Variants in KIF14 observed in about 807,000 individuals in gnomAD.
KIF14 encodes the protein kinesin family member 14, also known as kinesin-like protein KIF14.
KIF14 carries 98 observed loss-of-function variants against 176.2 expected under a neutral mutation model. That is an observed-to-expected ratio of 0.56 (90% confidence interval 0.47 to 0.66). KIF14 has a LOEUF of 0.66. Ranked by LOEUF, KIF14 falls within the 30% of genes least tolerant of loss-of-function variation. KIF14 has a pLI of 0.00. For missense variants in KIF14, 1,751 were observed against 1,920.4 expected (o/e 0.91, Z 1.65); for synonymous variants, 566 against 632.2 (o/e 0.90, Z 1.57).
At chr1:200,578,059 C>A (rs567869560) in intron 21 of KIF14, among the ~76,000 whole-genome samples, 3 of 150,872 alleles carry the variant, frequency 2.0e-5, no homozygotes, top group African/African-American at 4.9e-5. Context: ...TCTAAAAAGT[C>A]TTTTATTTGT....
In KIF14 at chr1:200,618,573, C is replaced by T. The variant is rs141578394; in HGVS notation, c.151G>A (p.Asp51Asn). Residue 51 changes from aspartate to asparagine, a missense_variant, in exon 2 of 30, where the codon GAT becomes AAT. Coordinates refer to ENST00000367350, the MANE Select transcript of KIF14 (RefSeq NM_014875.3). ...KSDMSECEND[D>N]PLLRSAGKVR... ...TTACCTGCAGATCTCAATAATGGAT[C>T]ATCATTTTCACATTCTGACATATCC... 738 of 1,613,974 alleles carry T rather than the reference C, an allele frequency of 4.6e-4. 3 individuals carry two copies. Among genetic ancestry groups the T allele is most frequent in the Non-Finnish European group, 3.0e-4 (352 of 1,179,996 alleles).
At position 200,586,205 on chromosome 1, in the gene KIF14, C is replaced by T. The variant is rs570902338; in HGVS notation, c.3137G>A (p.Arg1046His). ...TAAAGCTTCCAGAATTCTTGCATGG[C>T]GGATGCTATGGTCTTCTAAAGCCTA... is the stretch of plus-strand genomic sequence containing the variant. ...TKQALEDHSIRHARILEALET... is the reference protein window; with the variant it reads ...TKQALEDHSIHHARILEALET... The change falls in exon 19 of 30, where the codon CGC becomes CAC. Residue 1046 changes from arginine to histidine, a missense_variant. Coordinates refer to ENST00000367350, the MANE Select transcript of KIF14 (RefSeq NM_014875.3). The T allele has an allele frequency of 2.1e-5, 34 of 1,596,466 alleles. No homozygotes were observed. In the Admixed American group the frequency reaches 3.6e-4, roughly 17 times the overall value.
chr1:200,579,615 AAT>A (rs910102302), intron 21 of KIF14, among the ~76,000 whole-genome samples: 1 of 151,634 alleles, frequency 6.6e-6, no homozygotes, highest in Non-Finnish European at 1.5e-5. Flanking sequence ...ATTTCAAAAA[AAT>A]ATATATATAT....
In KIF14 at chr1:200,615,414, G is replaced by T. The variant is rs190410379; in HGVS notation, c.1308C>A (p.Phe436Leu). 6.2e-7 allele frequency: 1 copy of T among 1,614,054 alleles called. No homozygotes were observed. The highest frequency in any genetic ancestry group is 8.5e-7 in the Non-Finnish European group (1 of 1,179,930). ...KLAAPLLERA[F>L]EGFNTCLFAY... is the part of the protein sequence containing the mutation. The stretch of plus-strand genomic sequence containing the variant: ...CAAAAAGACAGGTATTGAAGCCTTC[G>T]AAGGCTCTTTCTAGGAGTGGTGCTG... Residue 436 changes from phenylalanine to leucine, a missense_variant, in exon 3 of 30, where the codon TTC becomes TTA. Physicochemically the swap from Phe to Leu is conservative, Grantham distance 22. Transcript: ENST00000367350.
intron 24 of KIF14, 22 bp downstream of exon 24, chr1:200,565,423 C>A (rs1392128613): frequency 6.5e-7 from 1 of 1,539,074 alleles, no homozygotes; most frequent in Non-Finnish European, 8.8e-7. Flanking sequence ...TGTGAGTTAA[C>A]AAAAGCAGTG....
rs560951312 is a variant in KIF14, at chr1:200,593,797, C to A, written c.2550-28G>T. The A allele has an allele frequency of 6.7e-6, 9 of 1,338,836 alleles. No individual in the cohort carries two copies. The South Asian group carries it at 1.1e-4, about 16-fold the overall frequency. 82.9% of individuals were successfully genotyped at this position (1,338,836 alleles called of 1,614,324 possible). ...GTTAAAATAAGAAGCACATAGTTAA[C>A]AATTATAGAACACACTAAAAAGTAA... On this transcript the variant is annotated intron_variant, in intron 14 of 29. Coordinates refer to ENST00000367350, the MANE Select transcript of KIF14 (RefSeq NM_014875.3).
At position 200,565,665 on chromosome 1, in the gene KIF14, TAAACCTACATCAACAG is replaced by T; in HGVS notation, c.3662-12_3665del. On this transcript the variant is annotated splice_acceptor_variant and splice_polypyrimidine_tract_variant and coding_sequence_variant and intron_variant, in exon 24 of 30. Transcript: ENST00000367350. LOFTEE classifies it high-confidence loss of function. Reference sequence around the variant, plus strand: ...AGTAAATAGTGCTTGATTTGTCCATTAAACCTACATCAACAGAAAATAGCCATTTTAAGCTTGTTTT... The same window carrying T: ...AGTAAATAGTGCTTGATTTGTCCATTAAAATAGCCATTTTAAGCTTGTTTT... 2 of 1,575,582 alleles carry T rather than the reference TAAACCTACATCAACAG, an allele frequency of 1.3e-6. No homozygotes were observed. Among genetic ancestry groups the T allele is most frequent in the Non-Finnish European group, 1.7e-6 (2 of 1,166,298 alleles).
chr1:200,618,614 T>A lies in KIF14; in HGVS notation c.110A>T (p.Lys37Met). Residue 37 changes from lysine to methionine, a missense_variant, in exon 2 of 30, where the codon AAG becomes ATG. By Grantham distance (95) the Lys-to-Met change is moderately conservative (BLOSUM62 -1). Transcript: ENST00000367350. ...TGACATATCCGACTTCAAATGCAGC[T>A]TAAGTCGGCTACTGTGGGTGAGGGC... Reference protein sequence around the residue: ...LNALTHSSRLKLHLKSDMSEC... With the variant: ...LNALTHSSRLMLHLKSDMSEC... 1.2e-6 allele frequency: 2 copies of A among 1,614,166 alleles called. No homozygotes were observed. Among genetic ancestry groups the A allele is most frequent in the Non-Finnish European group, 1.7e-6 (2 of 1,180,034 alleles).
At chr1:200,615,190 G>C (rs1268984900) in intron 3 of KIF14, among the ~76,000 whole-genome samples, 165 bp downstream of exon 3, 1 of 152,178 alleles carries the variant, frequency 6.6e-6, no homozygotes, top group African/African-American at 2.4e-5. Context: ...AAGCCCAGAG[G>C]CTAAGTAAAT....
intron 14 of KIF14, among the ~76,000 whole-genome samples, chr1:200,594,304 CA>C (rs1571530808): frequency 7.6e-6 from 1 of 132,198 alleles, no homozygotes; most frequent in East Asian, 2.4e-4. Flanking sequence ...GTGGTGGGAA[CA>C]TTCTTCATTG....
intron 14 of KIF14, among the ~76,000 whole-genome samples, chr1:200,597,108 C>A (rs1238797200): frequency 6.6e-6 from 1 of 151,518 alleles, no homozygotes; most frequent in Admixed American, 6.6e-5. Flanking sequence ...CCATGTTGCC[C>A]AGGCTGGACT....
chr1:200,596,829 G>A (rs1189718106), intron 14 of KIF14, among the ~76,000 whole-genome samples: 2 of 145,420 alleles, frequency 1.4e-5, no homozygotes, highest in Non-Finnish European at 3.0e-5. Context: ...CTCCCAAACT[G>A]TTAGGATTAT....
intron 18 of KIF14, among the ~76,000 whole-genome samples, chr1:200,588,246 TTG>T (rs796498871): frequency 2.4e-5 from 3 of 122,942 alleles, no homozygotes; most frequent in African/African-American, 1.2e-4. Context: ...TTTGTTTGTT[TTG>T]TTTTTTTTTT....
chr1:200,571,771 T>C (rs985831203), intron 22 of KIF14, among the ~76,000 whole-genome samples: 3 of 152,132 alleles, frequency 2.0e-5, no homozygotes, highest in African/African-American at 7.2e-5. Context: ...GTTCTTCTAC[T>C]TAGGGGTGAA....
intron 21 of KIF14, 23 bp downstream of exon 21, chr1:200,580,231 G>C (rs1658367274): frequency 8.1e-7 from 1 of 1,236,396 alleles, no homozygotes; most frequent in Non-Finnish European, 1.1e-6. Context: ...AAAATTTATA[G>C]AGATTTTAAT....
rs1213241700 is a variant in KIF14 at position 200,617,920 on chromosome 1, A to C, written c.804T>G (p.Asn268Lys). ...TTCTTTTTTCTAAGCTCCCAAATTT[A>C]TTTGAAGTTTTTGCAATTTCCTTCC... ...SIGKEIAKTS[N>K]KFGSLEKRTP... The change falls in exon 2 of 30, where the codon AAT (asparagine) becomes AAG (lysine). Residue 268 changes from asparagine (N) to lysine (K), a missense_variant. Transcript: ENST00000367350. The C allele has an allele frequency of 2.5e-6, 4 of 1,613,914 alleles. No individual in the cohort carries two copies. The East Asian group carries it at 8.9e-5, about 36-fold the overall frequency.
At chr1:200,567,214 A>C (rs1657510418) in intron 23 of KIF14, among the ~76,000 whole-genome samples, 1 of 150,172 alleles carries the variant, frequency 6.7e-6, no homozygotes, top group Non-Finnish European at 1.5e-5. Flanking sequence ...TCTACCTTAC[A>C]ATAGTTTCTC....
At chr1:200,610,052 G>A (rs1660073744) in intron 4 of KIF14, among the ~76,000 whole-genome samples, 1 of 152,186 alleles carries the variant, frequency 6.6e-6, no homozygotes, top group Admixed American at 6.5e-5. Context: ...AGGGGGAATG[G>A]ATTGTGACTG....
In KIF14 at chr1:200,571,248, G is replaced by A. The variant is rs186281034; in HGVS notation, c.3567-1243C>T. Among the ~76,000 whole-genome samples the A allele has an allele frequency of 3.2e-3, 478 of 150,490 alleles. 3 individuals are homozygous for A. The highest frequency in any genetic ancestry group is 0.011 in the African/African-American group (438 of 40,846). On this transcript the variant is annotated intron_variant, in intron 22 of 29. Transcript: ENST00000367350. ...AAGAATGGCGTAAACCTGGGAGGGG[G>A]AGCTTATAATGAGCGGAGATCATGC...
Sources: gnomAD v4.1 joint callset for allele counts (sites outside exome capture counted in the v4.1 genomes callset) on GRCh38, gnomAD v4.1.1 for gene constraint, MANE v1.5 for transcripts, NCBI Gene and HGNC (gene_info 2026-07-23, HGNC 2026-07-21) for gene names.